Variants in ADCY8 observed in about 807,000 individuals in gnomAD.
The protein encoded by ADCY8 is adenylate cyclase type 8.
ADCY8 carries 51 observed loss-of-function variants against 119.7 expected under a neutral mutation model. That is an observed-to-expected ratio of 0.43 (90% CI 0.34 to 0.54). The LOEUF is 0.54. Ranked by LOEUF, ADCY8 falls within the 20% of genes least tolerant of loss-of-function variation. The pLI, the probability that ADCY8 is intolerant of heterozygous loss-of-function variation, is 0.03. For missense variants in ADCY8, 1,383 were observed against 1,598.8 expected (o/e 0.87, Z 2.30); for synonymous variants, 665 against 651.0 (o/e 1.02, Z -0.33).
intron 14 of ADCY8, among the ~76,000 whole-genome samples, chr8:130,803,910 C>T (rs1179448703): frequency 6.6e-6 from 1 of 152,206 alleles, no homozygotes; most frequent in Non-Finnish European, 1.5e-5. Flanking sequence ...TCCAAAAGAG[C>T]ACAGGCAGCT....
rs1010805303 is a variant in ADCY8, at chr8:130,839,600, A to G, written c.2503-3151T>C. Among the ~76,000 whole-genome samples the G allele has an allele frequency of 2.1e-5, 3 of 140,712 alleles. 1 individual carries two copies. The highest frequency in any genetic ancestry group is 4.8e-5 in the Non-Finnish European group (3 of 62,116). 92.3% of individuals were successfully genotyped at this position (140,712 alleles called of 152,430 possible). A position where few individuals can be genotyped will look rare whatever the true frequency, so the allele number is the denominator to read the frequency against. On this transcript the variant is annotated intron_variant, in intron 11 of 17. Coordinates refer to ENST00000286355, the MANE Select transcript of ADCY8 (RefSeq NM_001115.3). Reference sequence around the variant, plus strand: ...TTTCTCTTTTGCTGGGTCTGGACCCATAAATTGCATGTGTCCTGTAACTTG... The same window carrying G: ...TTTCTCTTTTGCTGGGTCTGGACCCGTAAATTGCATGTGTCCTGTAACTTG...
intron 11 of ADCY8, among the ~76,000 whole-genome samples, chr8:130,841,561 A>G (rs1398563242): frequency 3.9e-5 from 6 of 152,212 alleles, no homozygotes; most frequent in Non-Finnish European, 7.3e-5. Context: ...CTGGAAGGAC[A>G]TTGTCAATGC....
chr8:130,884,881 T>C (rs1375974278), intron 7 of ADCY8, 120 bp from the exon 8 acceptor site: 27 of 1,023,202 alleles, frequency 2.6e-5, no homozygotes, highest in Non-Finnish European at 3.9e-5. Flanking sequence ...TGCAGTTGTA[T>C]TCAGTGAAAC....
chr8:130,945,300 A>T (rs571843688), intron 3 of ADCY8, among the ~76,000 whole-genome samples: 1 of 152,326 alleles, frequency 6.6e-6, no homozygotes, highest in African/African-American at 2.4e-5. Flanking sequence ...AGTGAATGGG[A>T]TTTAAGCATG....
At chr8:130,811,072 G>A (rs1007280696) in intron 14 of ADCY8, among the ~76,000 whole-genome samples, 1 of 152,072 alleles carries the variant, frequency 6.6e-6, no homozygotes, top group African/African-American at 2.4e-5. Flanking sequence ...AGAAGCTCTT[G>A]CAACAAAGAC....
rs2228949 is a variant in ADCY8 at position 131,040,096 on chromosome 8, C to G, written c.238G>C (p.Ala80Pro). Residue 80 changes from alanine (A) to proline (P), a missense_variant, in exon 1 of 18, where the codon GCG (alanine) becomes CCG (proline). Physicochemically the swap from Ala to Pro is conservative, Grantham distance 27 (BLOSUM62 -1). This residue lies in a region of ADCY8 where 455 missense variants were observed against 435.3 expected (regional missense o/e 1.05). Transcript: ENST00000286355. The stretch of plus-strand genomic sequence containing the variant: ...GCCGAGTCGCCTGACAGCTGCGGCG[C>G]GTGGTGGTTGGGGCCGCCGCCCGCA... ...DPAGGGPNHHAPQLSGDSALP... is the reference protein window; with the variant it reads ...DPAGGGPNHHPPQLSGDSALP... The G allele has an allele frequency of 2.6e-5, 40 of 1,528,648 alleles. No individual in the cohort carries two copies. Among genetic ancestry groups the G allele is most frequent in the Non-Finnish European group, 3.1e-5 (36 of 1,143,894 alleles). The allele number at this position is 1,528,648 out of a possible 1,614,324, so 94.7% of individuals were successfully genotyped here. A position where few individuals can be genotyped will look rare whatever the true frequency, so the allele number is the denominator to read the frequency against.
intron 7 of ADCY8, among the ~76,000 whole-genome samples, chr8:130,890,419 CA>C (rs1424279356): frequency 6.6e-6 from 1 of 152,094 alleles, no homozygotes; most frequent in Non-Finnish European, 1.5e-5. Flanking sequence ...TCTTTCACTG[CA>C]AAAGTCCCTT....
chr8:130,800,336 A>AAAAG lies in ADCY8; in HGVS notation c.3060+89_3060+90insCTTT. On this transcript the variant is annotated intron_variant, in intron 15 of 17. Transcript: ENST00000286355. ...GGCTGGAATTCCGTTAAGTGCAAAAAAAAAAAATAAGTAATTCCTACAATG... is the reference window on the plus strand; with the variant it reads ...GGCTGGAATTCCGTTAAGTGCAAAAAAAAGAAAAAAATAAGTAATTCCTACAATG... The AAAAG allele has an allele frequency of 2.0e-6, 3 of 1,535,696 alleles. No homozygotes were observed. The Middle Eastern group carries it at 5.2e-4, about 265-fold the overall frequency.
chr8:130,903,892 C>A lies in ADCY8; in HGVS notation c.1791G>T (p.Leu597Phe). Residue 597 changes from leucine (L) to phenylalanine (F), a missense_variant, in exon 7 of 18, where the codon TTG (leucine) becomes TTT (phenylalanine). Leu to Phe is a conservative substitution (Grantham distance 22). Transcript: ENST00000286355. ...IKQPEDSLLSLPEDIVKESVS... is the reference protein window; with the variant it reads ...IKQPEDSLLSFPEDIVKESVS... ...CTGACTCCTTGACGATATCTTCAGG[C>A]AAGGACAGCAGACTGTCCTCAGGCT... is the stretch of plus-strand genomic sequence containing the variant. 6.2e-7 allele frequency: 1 copy of A among 1,614,120 alleles called. No individual in the cohort carries two copies. The highest frequency in any genetic ancestry group is 8.5e-7 in the Non-Finnish European group (1 of 1,180,014).
intron 12 of ADCY8, among the ~76,000 whole-genome samples, chr8:130,828,121 C>T (rs1375543989): frequency 6.6e-6 from 1 of 152,174 alleles, no homozygotes; most frequent in East Asian, 1.9e-4. Context: ...CTCCAACTGC[C>T]TGATGGGGTG....
intron 8 of ADCY8, among the ~76,000 whole-genome samples, chr8:130,880,673 A>G (rs1271881900): frequency 6.6e-6 from 1 of 152,194 alleles, no homozygotes; most frequent in African/African-American, 2.4e-5. Flanking sequence ...TTGGCTGGGT[A>G]GTGAAGGAAG....
intron 1 of ADCY8, among the ~76,000 whole-genome samples, chr8:131,016,221 A>T (rs1243334614): frequency 2.0e-5 from 3 of 151,936 alleles, no homozygotes; most frequent in Non-Finnish European, 4.4e-5. Flanking sequence ...TGGTGGGGGG[A>T]GGTTACAATT....
intron 9 of ADCY8, among the ~76,000 whole-genome samples, chr8:130,863,532 CTTTG>C (rs748778732): frequency 1.3e-5 from 2 of 151,968 alleles, no homozygotes; most frequent in Admixed American, 6.5e-5. Flanking sequence ...TGCATTTATT[CTTTG>C]TTTGTTCACC....
chr8:130,792,142 C>G (rs1342116712), intron 15 of ADCY8, among the ~76,000 whole-genome samples: 1 of 152,216 alleles, frequency 6.6e-6, no homozygotes, highest in Non-Finnish European at 1.5e-5. Context: ...CTTGGGCTAC[C>G]AGCAGCACTG....
intron 8 of ADCY8, among the ~76,000 whole-genome samples, chr8:130,880,668 T>C (rs191797036): frequency 6.6e-6 from 1 of 152,200 alleles, no homozygotes; most frequent in East Asian, 1.9e-4. Context: ...GATGATTGGC[T>C]GGGTAGTGAA....
At chr8:130,906,971 G>T (rs375071962) in intron 6 of ADCY8, among the ~76,000 whole-genome samples, 1,719 of 151,928 alleles carry the variant, frequency 0.011, 18 homozygotes, top group Non-Finnish European at 0.017. Context: ...TCATATTAGT[G>T]GTTAGTGGCA....
At chr8:130,838,897 G>A (rs1305498590) in intron 11 of ADCY8, among the ~76,000 whole-genome samples, 1 of 140,712 alleles carries the variant, frequency 7.1e-6, no homozygotes, top group Non-Finnish European at 1.6e-5. Context: ...TGCAATGTGG[G>A]TACAGAGGAA....
At chr8:130,846,935 CCT>C (rs1491265353) in intron 11 of ADCY8, among the ~76,000 whole-genome samples, 11 of 135,110 alleles carry the variant, frequency 8.1e-5, no homozygotes, top group African/African-American at 2.8e-4. Context: ...TTCCTTCCTT[CCT>C]TCTCCTTCCT....
At chr8:130,941,534 A>T (rs1273742481) in intron 4 of ADCY8, among the ~76,000 whole-genome samples, 1 of 152,150 alleles carries the variant, frequency 6.6e-6, no homozygotes, top group Non-Finnish European at 1.5e-5. Context: ...TGTGTAACTG[A>T]TACCAACCAC....
Sources: gnomAD v4.1 joint callset for allele counts (sites outside exome capture counted in the v4.1 genomes callset) on GRCh38, gnomAD v4.1.1 for gene constraint, gnomAD v4.1.1 regional missense constraint, MANE v1.5 for transcripts, NCBI Gene and HGNC (gene_info 2026-07-23, HGNC 2026-07-21) for gene names.